CEP295: variants seen among roughly 807,000 people sequenced by gnomAD.
CEP295 encodes centrosomal protein of 295 kDa.
In CEP295, 190 loss-of-function variants were observed where a neutral mutation model predicts 291.6. The ratio of observed to expected loss-of-function variants is 0.65; its 90% CI spans 0.58 to 0.73. The LOEUF (loss-of-function observed/expected upper bound fraction) is 0.73, where lower values mean the gene tolerates loss of function less well. Among genes scored for constraint, CEP295 ranks in the 30% least tolerant of loss-of-function variants. CEP295 has a pLI of 0.00. For synonymous variants in CEP295, 993 were observed against 1,038.8 expected, an observed-to-expected ratio of 0.96 and a Z score of 0.85; for missense variants, 2,863 against 2,949.4, an observed-to-expected ratio of 0.97 and a Z score of 0.68.
intron 5 of CEP295, among the ~76,000 whole-genome samples, chr11:93,673,707 G>T (rs1311678469): frequency 6.6e-6 from 1 of 151,968 alleles, no homozygotes; most frequent in Non-Finnish European, 1.5e-5. Context: ...TGGTCAGGCT[G>T]GTCTCAAACT....
At chr11:93,662,892 C>A (rs1231204658) in intron 1 of CEP295, among the ~76,000 whole-genome samples, 2 of 152,216 alleles carry the variant, frequency 1.3e-5, no homozygotes, top group Non-Finnish European at 2.9e-5. Context: ...CATCATTTAC[C>A]TCTTGATAAC....
chr11:93,707,490 G>A (rs562246043), intron 18 of CEP295, among the ~76,000 whole-genome samples: 2 of 152,240 alleles, frequency 1.3e-5, no homozygotes, highest in African/African-American at 4.8e-5. Context: ...TTGGCCGGGT[G>A]CAGTGGCTCA....
chr11:93,694,531 G>T (rs553058710), intron 12 of CEP295, among the ~76,000 whole-genome samples: 3 of 152,154 alleles, frequency 2.0e-5, no homozygotes, highest in Non-Finnish European at 4.4e-5. Context: ...AAAATTGCCA[G>T]CATTACTACT....
intron 18 of CEP295, among the ~76,000 whole-genome samples, chr11:93,720,255 C>T (rs1953599796): frequency 6.6e-6 from 1 of 151,624 alleles, no homozygotes; most frequent in Admixed American, 6.6e-5. Context: ...GGCGGATCAC[C>T]TGAGGTCACG....
chr11:93,702,486 T>C lies in CEP295; in HGVS notation c.5301T>C (p.Asp1767=). 6.5e-7 allele frequency: 1 copy of C among 1,539,180 alleles called. No homozygotes were observed. The highest frequency in any genetic ancestry group is 8.7e-7 in the Non-Finnish European group (1 of 1,143,410). The change falls in exon 16 of 30, where the codon GAT becomes GAC. Residue 1767 remains aspartate, a synonymous_variant. Coordinates refer to ENST00000325212, the MANE Select transcript of CEP295 (RefSeq NM_033395.2). ...SQISKPTVEN[D]LKTQKMGQLR... ...TAAGTAAGCCCACAGTTGAAAATGATTTAAAAACCCAGAAGATGGGGCAGC... is the reference window on the plus strand; with the variant it reads ...TAAGTAAGCCCACAGTTGAAAATGACTTAAAAACCCAGAAGATGGGGCAGC...
chr11:93,700,201 TG>T lies in CEP295; in HGVS notation c.5274+16del. On this transcript the variant is annotated intron_variant, in intron 15 of 29. Transcript: ENST00000325212. ...AAGACAGTCAGGTATGTTTTAAACC[TG>T]AATAATAATGAAACACTAGAAGTTT... 1 of 1,508,616 alleles carries T rather than the reference TG, an allele frequency of 6.6e-7. No homozygotes were observed. The highest frequency in any genetic ancestry group is 8.9e-7 in the Non-Finnish European group (1 of 1,128,116). The allele number at this position is 1,508,616 out of a possible 1,614,324, so 93.5% of individuals were successfully genotyped here. A position where few individuals can be genotyped will look rare whatever the true frequency, so the allele number is the denominator to read the frequency against.
chr11:93,687,296 A>G (rs944763161), intron 9 of CEP295, among the ~76,000 whole-genome samples: 29 of 152,232 alleles, frequency 1.9e-4, no homozygotes, highest in African/African-American at 6.8e-4. Flanking sequence ...TTTCAATACT[A>G]ATCTTACCAG....
Position 93,700,094 on chromosome 11 carries a change from C to T in CEP295, c.5182C>T (p.Gln1728Ter). 6.4e-7 allele frequency: 1 copy of T among 1,551,670 alleles called. No individual in the cohort carries two copies. Among genetic ancestry groups the T allele is most frequent in the Non-Finnish European group, 8.7e-7 (1 of 1,146,980 alleles). The change falls in exon 15 of 30, where the codon CAG (glutamine) becomes TAG (stop). Residue 1728 changes from glutamine to a stop codon, truncating the protein, a stop_gained. Transcript: ENST00000325212. LOFTEE classifies it high-confidence loss of function. ...AGTTCTGCATTATAGCCAGAAAGCC[C>T]AGGAAAAATTGCTTGTACAGAGACA... ...REVLHYSQKAQEKLLVQRQTA... is the reference protein window; with the variant it reads ...REVLHYSQKA
Position 93,669,769 on chromosome 11 carries a change from A to C in CEP295, c.527A>C (p.Glu176Ala), listed in dbSNP as rs1304755020. Residue 176 changes from glutamate to alanine, a missense_variant and splice_region_variant, in exon 5 of 30, where the codon GAG becomes GCG. By Grantham distance (107) the Glu-to-Ala change is moderately radical (BLOSUM62 -1). This residue lies in a region of CEP295 where 554 missense variants were observed against 576.0 expected (regional missense o/e 0.96). Transcript: ENST00000325212. ...SLPPPPPTLFENIEVKRISAV... is the reference protein window; with the variant it reads ...SLPPPPPTLFANIEVKRISAV... ...CCACCTCCTCCTCCAACTCTTTTTG[A>C]GGTGAGTTTGAGTATTAAGAGGAAC... 1.3e-6 allele frequency: 2 copies of C among 1,546,018 alleles called. No individual in the cohort carries two copies. Among genetic ancestry groups the C allele is most frequent in the Non-Finnish European group, 1.8e-6 (2 of 1,142,272 alleles).
intron 2 of CEP295, 50 bp downstream of exon 2, chr11:93,666,865 C>T (rs1844411234): frequency 9.7e-7 from 1 of 1,026,656 alleles, no homozygotes; most frequent in Admixed American, 2.2e-5. Flanking sequence ...CCTCAAATTA[C>T]TTGTATTCTT....
chr11:93,691,445 G>A (rs1025690907), intron 10 of CEP295, among the ~76,000 whole-genome samples: 6 of 152,034 alleles, frequency 3.9e-5, no homozygotes, highest in African/African-American at 9.7e-5. Flanking sequence ...TCCTATCAGC[G>A]TATCTATTAA....
At chr11:93,711,171 A>G (rs530838029) in intron 18 of CEP295, among the ~76,000 whole-genome samples, 63 of 151,532 alleles carry the variant, frequency 4.2e-4, no homozygotes, top group African/African-American at 1.5e-3. Context: ...TTGCTTTTCT[A>G]GTTTTTTAAG....
chr11:93,663,443 C>CAGTT (rs1392855459), intron 1 of CEP295, among the ~76,000 whole-genome samples: 1 of 152,196 alleles, frequency 6.6e-6, no homozygotes, highest in Non-Finnish European at 1.5e-5. Flanking sequence ...AGATGACACA[C>CAGTT]AGTTACACAG....
At chr11:93,685,902 G>A (rs1452019131) in intron 9 of CEP295, among the ~76,000 whole-genome samples, 1 of 151,938 alleles carries the variant, frequency 6.6e-6, no homozygotes, top group Non-Finnish European at 1.5e-5. Flanking sequence ...GCAGAGACGG[G>A]GTTTCACTAT....
intron 21 of CEP295, 100 bp from the exon 22 acceptor site, chr11:93,724,154 A>G: frequency 8.9e-7 from 1 of 1,118,198 alleles, no homozygotes; most frequent in Non-Finnish European, 1.3e-6. Flanking sequence ...ATAAGCGTTT[A>G]TGAATATGTT....
intron 9 of CEP295, among the ~76,000 whole-genome samples, chr11:93,686,272 C>A (rs1951232833): frequency 6.6e-6 from 1 of 151,704 alleles, no homozygotes; most frequent in Non-Finnish European, 1.5e-5. Context: ...TGAGCCGAAA[C>A]CACACCACTG....
Position 93,729,140 on chromosome 11 carries a change from G to A in CEP295, c.7303-294G>A, listed in dbSNP as rs559980463. The A allele has an allele frequency of 5.0e-5, 25 of 495,968 alleles. No homozygotes were observed. The South Asian group carries it at 8.1e-4, about 16-fold the overall frequency. 30.7% of individuals were successfully genotyped at this position (495,968 alleles called of 1,614,324 possible). A position where few individuals can be genotyped will look rare whatever the true frequency, so the allele number is the denominator to read the frequency against. On this transcript the variant is annotated intron_variant, in intron 25 of 29. Transcript: ENST00000325212. ...TTGAAAAATGACTTCAGAACAACTG[G>A]TAATTTTACTAGGGGAGTAGGGAGG...
intron 17 of CEP295, among the ~76,000 whole-genome samples, chr11:93,705,016 T>G (rs927384807): frequency 6.6e-6 from 1 of 152,212 alleles, no homozygotes; most frequent in Admixed American, 6.5e-5. Flanking sequence ...TTATTATATT[T>G]TATTTTTCTA....
rs764288983 is a variant in CEP295, at chr11:93,728,642, CT to C, written c.7162-38del. The C allele has an allele frequency of 4.4e-5, 66 of 1,494,298 alleles. 1 individual carries two copies. In the South Asian group the frequency reaches 7.4e-4, roughly 17 times the overall value. 92.6% of individuals were successfully genotyped at this position (1,494,298 alleles called of 1,614,324 possible). A position where few individuals can be genotyped will look rare whatever the true frequency, so the allele number is the denominator to read the frequency against. ...AACGATTAGTTTAAGTCTTTTAAGG[CT>C]ATTTTGACATGGTTTTCCTTTTAAT... On this transcript the variant is annotated intron_variant, in intron 24 of 29. Transcript: ENST00000325212.
Sources: allele counts gnomAD v4.1 joint callset (sites outside exome capture counted in the v4.1 genomes callset), GRCh38; gene constraint gnomAD v4.1.1; regional missense constraint gnomAD v4.1.1; transcripts MANE v1.5; gene names NCBI Gene and HGNC (gene_info 2026-07-23, HGNC 2026-07-21).